The following PALM2AKAP2 variants were observed in gnomAD, a reference collection of about 807,000 sequenced individuals.
PALM2AKAP2 encodes the protein PALM2 and AKAP2 fusion.
A neutral mutation model predicts 71.5 loss-of-function variants in PALM2AKAP2; 37 were observed. That is an observed-to-expected ratio of 0.52 (90% CI 0.40 to 0.68). The LOEUF (loss-of-function observed/expected upper bound fraction) is 0.68, where lower values mean the gene tolerates loss of function less well. Among genes scored for constraint, PALM2AKAP2 ranks in the 30% least tolerant of loss-of-function variants. PALM2AKAP2 has a pLI of 0.00. For missense variants in PALM2AKAP2, 1,224 were observed against 1,191.8 expected, an observed-to-expected ratio of 1.03 and a Z score of -0.40; for synonymous variants, 468 against 478.8, an observed-to-expected ratio of 0.98 and a Z score of 0.29.
chr9:109,658,972 C>T (rs1333281666), intron 1 of PALM2AKAP2, among the ~76,000 whole-genome samples: 2 of 152,156 alleles, frequency 1.3e-5, no homozygotes, highest in Non-Finnish European at 2.9e-5. Flanking sequence ...GATTGTTTAA[C>T]TCCATGTATC....
chr9:109,708,112 A>G (rs1185340754), intron 1 of PALM2AKAP2, among the ~76,000 whole-genome samples: 1 of 152,110 alleles, frequency 6.6e-6, no homozygotes, highest in South Asian at 2.1e-4. Flanking sequence ...TCATTGTCAT[A>G]TTTCATCATA....
chr9:109,866,281 G>A (rs1448005573), intron 1 of PALM2AKAP2, among the ~76,000 whole-genome samples: 1 of 152,132 alleles, frequency 6.6e-6, no homozygotes, highest in Non-Finnish European at 1.5e-5. Flanking sequence ...CCGCATTGTT[G>A]TTGTCCCTAG....
chr9:110,098,008 A>G (rs1329709583), intron 1 of PALM2AKAP2, among the ~76,000 whole-genome samples: 1 of 144,870 alleles, frequency 6.9e-6, no homozygotes, highest in Non-Finnish European at 1.5e-5. Flanking sequence ...AAAAAATACG[A>G]AAACCAGTCA....
chr9:109,971,626 A>G (rs1308045120), intron 6 of PALM2AKAP2, among the ~76,000 whole-genome samples: 2 of 152,132 alleles, frequency 1.3e-5, no homozygotes, highest in East Asian at 3.9e-4. Flanking sequence ...GGGTTTCACC[A>G]TGTTGGTCAG....
chr9:109,927,740 A>C (rs1830989717), intron 5 of PALM2AKAP2, among the ~76,000 whole-genome samples: 1 of 151,628 alleles, frequency 6.6e-6, no homozygotes, highest in Non-Finnish European at 1.5e-5. Flanking sequence ...TCTGACACCC[A>C]CTCTCCTCCC....
intron 1 of PALM2AKAP2, among the ~76,000 whole-genome samples, chr9:109,864,820 T>G (rs1829406148): frequency 6.6e-6 from 1 of 152,222 alleles, no homozygotes; most frequent in Non-Finnish European, 1.5e-5. Flanking sequence ...TTAATGTTCC[T>G]AAAATGCCAT....
chr9:110,098,674 G>A (rs548588228), intron 1 of PALM2AKAP2, among the ~76,000 whole-genome samples: 1 of 152,112 alleles, frequency 6.6e-6, no homozygotes, highest in Non-Finnish European at 1.5e-5. Flanking sequence ...AAACTGTCAG[G>A]GATCCAAATG....
intron 1 of PALM2AKAP2, among the ~76,000 whole-genome samples, chr9:109,667,027 C>T (rs574438231): frequency 3.3e-5 from 5 of 152,224 alleles, no homozygotes; most frequent in African/African-American, 7.2e-5. Context: ...AAGACAGAAG[C>T]GAAGGCAACT....
At chr9:110,040,006 A>C (rs914958488) in intron 7 of PALM2AKAP2, among the ~76,000 whole-genome samples, 1 of 152,130 alleles carries the variant, frequency 6.6e-6, no homozygotes, top group Non-Finnish European at 1.5e-5. Context: ...GAAGGAAGGA[A>C]GACAGGAGAA....
intron 1 of PALM2AKAP2, among the ~76,000 whole-genome samples, chr9:109,642,358 T>C (rs774796660): frequency 6.6e-6 from 1 of 151,738 alleles, no homozygotes; most frequent in Non-Finnish European, 1.5e-5. Context: ...CATACACATA[T>C]AAGGTTCTTA....
At chr9:109,926,243 AAAACAAAC>A (rs373945423) in intron 5 of PALM2AKAP2, among the ~76,000 whole-genome samples, 3 of 152,164 alleles carry the variant, frequency 2.0e-5, no homozygotes, top group South Asian at 4.1e-4. Flanking sequence ...TGACTTTGGC[AAAACAAAC>A]AAACAAACAA....
chr9:109,650,392 T>C (rs1353616389), intron 1 of PALM2AKAP2, among the ~76,000 whole-genome samples: 1 of 151,938 alleles, frequency 6.6e-6, no homozygotes, highest in East Asian at 1.9e-4. Flanking sequence ...TCTTTGCTAG[T>C]TTCATAGTAG....
At chr9:110,042,375 G>A (rs895495684) in intron 7 of PALM2AKAP2, among the ~76,000 whole-genome samples, 3 of 140,216 alleles carry the variant, frequency 2.1e-5, no homozygotes, top group Admixed American at 7.3e-5. Context: ...TTGGTGAGCC[G>A]AGATTGTGCC....
intron 1 of PALM2AKAP2, among the ~76,000 whole-genome samples, chr9:109,656,663 G>T (rs1267524415): frequency 6.6e-6 from 1 of 152,196 alleles, no homozygotes; most frequent in Non-Finnish European, 1.5e-5. Flanking sequence ...TGAAGAACGG[G>T]CTGTAGAGGG....
intron 1 of PALM2AKAP2, among the ~76,000 whole-genome samples, chr9:109,711,713 G>A (rs1024206132): frequency 2.0e-5 from 3 of 152,164 alleles, no homozygotes; most frequent in Non-Finnish European, 4.4e-5. Context: ...AGAAAGCTTA[G>A]GCTCCACTTA....
intron 1 of PALM2AKAP2, among the ~76,000 whole-genome samples, chr9:109,690,204 T>C (rs1279876853): frequency 6.6e-6 from 1 of 152,224 alleles, no homozygotes; most frequent in African/African-American, 2.4e-5. Flanking sequence ...AAGATAATGC[T>C]TGTAGTTTAG....
chr9:110,172,463 T>G (rs899506559), exon 4 of PALM2AKAP2: 2 of 152,676 alleles, frequency 1.3e-5, no homozygotes, highest in Non-Finnish European at 2.9e-5. Flanking sequence ...TCAATGCAAG[T>G]ATACAGTTAT....
At chr9:110,138,822 T>C (rs1208555138) in intron 2 of PALM2AKAP2, among the ~76,000 whole-genome samples, 4 of 152,248 alleles carry the variant, frequency 2.6e-5, no homozygotes, top group African/African-American at 4.8e-5. Flanking sequence ...AGAATTGTTC[T>C]CTTTTACTTG....
Position 109,985,481 on chromosome 9 carries a change from G to A in PALM2AKAP2, c.497-30473G>A, listed in dbSNP as rs189685273. Among the ~76,000 whole-genome samples, 1,408 of 150,926 alleles carry A rather than the reference G, an allele frequency of 9.3e-3. 23 individuals carry two copies. The highest frequency in any genetic ancestry group is 0.032 in the African/African-American group (1,323 of 41,226). ...AAAAATACAAAAAAATTAGCCAGGC[G>A]TGGTGGCGGGCACCTGTAGTCCCAG... On this transcript the variant is annotated intron_variant, in intron 6 of 9. Transcript: ENST00000302798.
Sources: allele counts gnomAD v4.1 joint callset (sites outside exome capture counted in the v4.1 genomes callset), GRCh38; gene constraint gnomAD v4.1.1; transcripts MANE v1.5; gene names NCBI Gene and HGNC (gene_info 2026-07-23, HGNC 2026-07-21).